USH2A: variants seen among roughly 807,000 people sequenced by gnomAD.
The protein encoded by USH2A is Usher syndrome 2A (autosomal recessive, mild).
A neutral mutation model predicts 538.9 loss-of-function variants in USH2A; 443 were observed. The ratio of observed to expected loss-of-function variants is 0.82; its 90% CI spans 0.76 to 0.89. The LOEUF (loss-of-function observed/expected upper bound fraction) is 0.89. Among genes scored for constraint, USH2A ranks in the 40% least tolerant of loss-of-function variants. The pLI, the probability that USH2A is intolerant of heterozygous loss-of-function variation, is 0.00. For synonymous variants in USH2A, 2,413 were observed against 2,273.5 expected (o/e 1.06, Z -1.75); for missense variants, 6,633 against 6,324.8 (o/e 1.05, Z -1.65).
At position 216,289,337 on chromosome 1, in the gene USH2A, G is replaced by A. The variant is rs1451137242; in HGVS notation, c.1914C>T (p.Cys638=). ...VGADPSAIDV[C]KPCDCDTVGT... is the part of the protein sequence containing the mutation. ...CAACTGTATCACAGTCACAGGGTTT[G>A]CAAACATCTATGGCCGAAGGATCTG... Residue 638 remains cysteine (C), a synonymous_variant, in exon 11 of 72, where the codon TGC becomes TGT. Transcript: ENST00000307340. The A allele has an allele frequency of 6.2e-7, 1 of 1,613,984 alleles. No homozygotes were observed. Among genetic ancestry groups the A allele is most frequent in the Non-Finnish European group, 8.5e-7 (1 of 1,179,872 alleles).
intron 4 of USH2A, among the ~76,000 whole-genome samples, chr1:216,358,676 A>C (rs2038435173): frequency 6.6e-6 from 1 of 152,130 alleles, no homozygotes; most frequent in Non-Finnish European, 1.5e-5. Flanking sequence ...GATAGAATAA[A>C]GATAAAAATT....
chr1:216,305,138 G>T (rs1243263853), intron 9 of USH2A, among the ~76,000 whole-genome samples: 2 of 151,888 alleles, frequency 1.3e-5, no homozygotes, highest in African/African-American at 4.8e-5. Context: ...CCATTATTGT[G>T]TTGCTGTTTA....
intron 58 of USH2A, among the ~76,000 whole-genome samples, chr1:215,744,095 C>T (rs973047002): frequency 2.0e-5 from 3 of 152,164 alleles, no homozygotes; most frequent in Admixed American, 6.5e-5. Flanking sequence ...GAAAACAACA[C>T]CAATTTTGCT....
Position 216,196,553 on chromosome 1 carries a change from C to T in USH2A, c.4251G>A (p.Gln1417=). ...GGACATTAGTTAAAAATAACAATAC[C>T]TGTGAAAACGCCATGGGAATAGACT... ...PQQSIPMAFS[Q]LLHTAKSQEL... The change falls in exon 19 of 72, where the codon CAG becomes CAA. Residue 1417 remains glutamine, a splice_region_variant and synonymous_variant. Transcript: ENST00000307340. The T allele has an allele frequency of 6.2e-7, 1 of 1,613,212 alleles. No homozygotes were observed.
intron 3 of USH2A, among the ~76,000 whole-genome samples, chr1:216,403,817 G>A (rs1157092216): frequency 6.6e-6 from 1 of 152,084 alleles, no homozygotes; most frequent in Non-Finnish European, 1.5e-5. Context: ...GAGGCACCTG[G>A]CGGGAGGTGA....
chr1:215,904,682 C>T (rs1268316233), intron 38 of USH2A, among the ~76,000 whole-genome samples: 1 of 151,984 alleles, frequency 6.6e-6, no homozygotes, highest in African/African-American at 2.4e-5. Flanking sequence ...TAATATGACC[C>T]TCACGGGGCA....
intron 21 of USH2A, among the ~76,000 whole-genome samples, chr1:216,147,425 T>C (rs1045668430): frequency 3.9e-5 from 6 of 152,158 alleles, no homozygotes; most frequent in African/African-American, 1.4e-4. Context: ...TAATGCTCCT[T>C]TTTCTTTATC....
chr1:216,344,251 G>A (rs975256142), intron 4 of USH2A, among the ~76,000 whole-genome samples: 2 of 152,004 alleles, frequency 1.3e-5, no homozygotes, highest in African/African-American at 4.8e-5. Context: ...AAAACAAAAG[G>A]ATTTAGTAAC....
intron 61 of USH2A, among the ~76,000 whole-genome samples, chr1:215,685,712 G>A (rs1208867142): frequency 1.3e-5 from 2 of 151,790 alleles, no homozygotes; most frequent in Non-Finnish European, 2.9e-5. Context: ...CCACGCATTA[G>A]GCAAATATCA....
chr1:216,394,428 C>T (rs1446149704), intron 3 of USH2A, among the ~76,000 whole-genome samples: 1 of 152,126 alleles, frequency 6.6e-6, no homozygotes, highest in Non-Finnish European at 1.5e-5. Flanking sequence ...AGTTATAGAA[C>T]TCTTCTGTGT....
intron 9 of USH2A, among the ~76,000 whole-genome samples, chr1:216,316,665 T>G (rs2037515405): frequency 6.6e-6 from 1 of 152,158 alleles, no homozygotes; most frequent in African/African-American, 2.4e-5. Flanking sequence ...TTTTTTAACT[T>G]TTAATAATCG....
intron 11 of USH2A, among the ~76,000 whole-genome samples, chr1:216,269,435 T>C (rs1468605400): frequency 6.6e-6 from 1 of 152,078 alleles, no homozygotes; most frequent in Non-Finnish European, 1.5e-5. Context: ...ATTTTTCCTG[T>C]ATAAATTACC....
At chr1:215,963,746 C>G (rs1159558350) in intron 37 of USH2A, among the ~76,000 whole-genome samples, 1 of 152,066 alleles carries the variant, frequency 6.6e-6, no homozygotes, top group Admixed American at 6.6e-5. Context: ...CCTTGATCAC[C>G]CCTGTCATGT....
chr1:216,103,853 A>G (rs2102579103), intron 21 of USH2A, among the ~76,000 whole-genome samples: 1 of 152,268 alleles, frequency 6.6e-6, no homozygotes, highest in South Asian at 2.1e-4. Context: ...TAAAACTACA[A>G]TGAGACACAT....
chr1:216,201,309 C>CTT (rs527521817), intron 16 of USH2A, among the ~76,000 whole-genome samples: 34 of 133,672 alleles, frequency 2.5e-4, no homozygotes, highest in African/African-American at 8.8e-4. Flanking sequence ...AGTCTTTTTT[C>CTT]TTTTTTTTTT....
chr1:215,980,302 G>A (rs1667720331), intron 35 of USH2A, among the ~76,000 whole-genome samples: 3 of 152,092 alleles, frequency 2.0e-5, no homozygotes, highest in Non-Finnish European at 4.4e-5. Flanking sequence ...AGAGAGGTTT[G>A]GTAACTTGGC....
intron 64 of USH2A, among the ~76,000 whole-genome samples, chr1:215,664,154 G>A (rs892375714): frequency 1.3e-5 from 2 of 152,146 alleles, no homozygotes; most frequent in Non-Finnish European, 2.9e-5. Flanking sequence ...TTGGCTTTCT[G>A]TTACTTGTAG....
At chr1:216,355,254 G>A (rs2038361179) in intron 4 of USH2A, among the ~76,000 whole-genome samples, 1 of 151,024 alleles carries the variant, frequency 6.6e-6, no homozygotes, top group South Asian at 2.1e-4. Context: ...AGTGAGCCAA[G>A]ATCGCACCAC....
chr1:216,345,260 T>C (rs192042658), intron 4 of USH2A, among the ~76,000 whole-genome samples: 1 of 152,222 alleles, frequency 6.6e-6, no homozygotes, highest in East Asian at 1.9e-4. Flanking sequence ...GAGGTTGGAT[T>C]AATGATGACA....
Sources: gnomAD v4.1 joint callset for allele counts (sites outside exome capture counted in the v4.1 genomes callset) on GRCh38, gnomAD v4.1.1 for gene constraint, MANE v1.5 for transcripts, NCBI Gene and HGNC (gene_info 2026-07-23, HGNC 2026-07-21) for gene names.